Variants in BANK1 observed in about 807,000 individuals in gnomAD.
BANK1 encodes the protein B-cell scaffold protein with ankyrin repeats.
A neutral mutation model predicts 94.5 loss-of-function variants in BANK1; 95 were observed. The observed-to-expected ratio is 1.00, with a 90% CI of 0.85 to 1.19. The LOEUF is 1.19. Ranked by LOEUF, BANK1 falls within the 50% of genes most tolerant of loss-of-function variation. BANK1 has a pLI of 0.00. For missense variants in BANK1, 987 were observed against 932.2 expected, an observed-to-expected ratio of 1.06 and a Z score of -0.77; for synonymous variants, 334 against 308.4, an observed-to-expected ratio of 1.08 and a Z score of -0.87.
chr4:102,063,735 C>T (rs1728499037), intron 13 of BANK1, among the ~76,000 whole-genome samples: 1 of 150,892 alleles, frequency 6.6e-6, no homozygotes, highest in Non-Finnish European at 1.5e-5. Context: ...GGCAGGAGAA[C>T]CCCCCCGGAA....
chr4:101,959,670 T>C (rs77346975), intron 7 of BANK1, among the ~76,000 whole-genome samples: 5 of 152,186 alleles, frequency 3.3e-5, no homozygotes, highest in African/African-American at 9.6e-5. Flanking sequence ...GGAAAGGCAG[T>C]CTTACTGGTG....
chr4:101,851,197 A>G (rs1727461903), intron 2 of BANK1, among the ~76,000 whole-genome samples: 1 of 152,214 alleles, frequency 6.6e-6, no homozygotes, highest in South Asian at 2.1e-4. Flanking sequence ...TGAACACACA[A>G]ATGATAAGAA....
intron 7 of BANK1, chr4:101,972,585 T>G (rs1200484877): frequency 6.6e-6 from 1 of 152,110 alleles, no homozygotes; most frequent in East Asian, 1.9e-4. Context: ...CTATTCATCA[T>G]CAATGAAAAT....
At chr4:101,839,759 G>A (rs889392064) in intron 2 of BANK1, among the ~76,000 whole-genome samples, 4 of 151,368 alleles carry the variant, frequency 2.6e-5, no homozygotes, top group African/African-American at 9.7e-5. Context: ...TATTCAACTG[G>A]CCAAATTCTT....
At chr4:101,913,662 C>T (rs138742667) in intron 6 of BANK1, among the ~76,000 whole-genome samples, 20 of 152,282 alleles carry the variant, frequency 1.3e-4, no homozygotes, top group South Asian at 2.1e-4. Context: ...GAGCATCTTT[C>T]GCCACCTGCC....
chr4:101,841,246 A>T (rs1727033324), intron 2 of BANK1, among the ~76,000 whole-genome samples: 1 of 152,222 alleles, frequency 6.6e-6, no homozygotes, highest in East Asian at 1.9e-4. Flanking sequence ...AGAAAATGTC[A>T]CTTAGAATGA....
intron 15 of BANK1, among the ~76,000 whole-genome samples, chr4:102,073,392 G>A (rs190837658): frequency 6.6e-6 from 1 of 151,920 alleles, no homozygotes; most frequent in East Asian, 1.9e-4. Flanking sequence ...GCACAAACAG[G>A]GCATATATTT....
At chr4:102,015,501 AG>A (rs1726663292) in intron 7 of BANK1, among the ~76,000 whole-genome samples, 1 of 152,210 alleles carries the variant, frequency 6.6e-6, no homozygotes, top group Admixed American at 6.5e-5. Flanking sequence ...CAATGCAAAA[AG>A]ACTTAAGATG....
At chr4:102,061,031 T>G (rs1728402516) in intron 12 of BANK1, among the ~76,000 whole-genome samples, 1 of 152,176 alleles carries the variant, frequency 6.6e-6, no homozygotes, top group Non-Finnish European at 1.5e-5. Flanking sequence ...TATTCCATCT[T>G]TCACTCCAAA....
chr4:101,945,732 A>C (rs1296641372), intron 7 of BANK1, among the ~76,000 whole-genome samples: 2 of 151,944 alleles, frequency 1.3e-5, no homozygotes, highest in African/African-American at 2.4e-5. Context: ...GGCACAGAGT[A>C]GACTCTCAGT....
At chr4:101,826,604 C>A (rs943834540) in intron 1 of BANK1, among the ~76,000 whole-genome samples, 2 of 151,930 alleles carry the variant, frequency 1.3e-5, no homozygotes, top group Non-Finnish European at 2.9e-5. Context: ...CATAAAAATA[C>A]TGAATTATGG....
intron 7 of BANK1, among the ~76,000 whole-genome samples, chr4:101,918,457 AG>A (rs904222866): frequency 6.6e-6 from 1 of 151,954 alleles, no homozygotes; most frequent in Non-Finnish European, 1.5e-5. Flanking sequence ...GTTAAGTCCC[AG>A]TTCTGTCTTA....
At chr4:101,974,542 C>T (rs1725059696) in intron 7 of BANK1, among the ~76,000 whole-genome samples, 1 of 152,102 alleles carries the variant, frequency 6.6e-6, no homozygotes, top group African/African-American at 2.4e-5. Flanking sequence ...TCCACTGTGC[C>T]AAATAATTCC....
chr4:101,809,166 A>G (rs569836076), intron 1 of BANK1, among the ~76,000 whole-genome samples: 1 of 152,356 alleles, frequency 6.6e-6, no homozygotes, highest in South Asian at 2.1e-4. Flanking sequence ...CTGCTTGCTC[A>G]TAAAACAGAA....
intron 7 of BANK1, among the ~76,000 whole-genome samples, chr4:101,997,046 G>A (rs1725902760): frequency 6.6e-6 from 1 of 152,084 alleles, no homozygotes; most frequent in Non-Finnish European, 1.5e-5. Context: ...TGCCCATTCA[G>A]TATGAAAATG....
At chr4:101,942,056 T>C (rs1277980739) in intron 7 of BANK1, among the ~76,000 whole-genome samples, 4 of 151,748 alleles carry the variant, frequency 2.6e-5, no homozygotes, top group Non-Finnish European at 5.9e-5. Flanking sequence ...TATCAGGAGG[T>C]AAGCCCAAGA....
At chr4:101,867,818 G>T (rs879387979) in intron 4 of BANK1, among the ~76,000 whole-genome samples, 1 of 151,308 alleles carries the variant, frequency 6.6e-6, no homozygotes, top group African/African-American at 2.4e-5. Context: ...TAAGAAGAGA[G>T]AAAATAGAAT....
At chr4:101,919,553 G>A (rs1434676641) in intron 7 of BANK1, among the ~76,000 whole-genome samples, 1 of 151,918 alleles carries the variant, frequency 6.6e-6, no homozygotes, top group African/African-American at 2.4e-5. Context: ...CTCTGCTCCT[G>A]CAATAACAGC....
At chr4:102,035,700 T>C (rs1727488276) in intron 10 of BANK1, among the ~76,000 whole-genome samples, 1 of 151,956 alleles carries the variant, frequency 6.6e-6, no homozygotes. Flanking sequence ...TCAAGATATA[T>C]GTTTCTGATT....
Sources: gnomAD v4.1 joint callset for allele counts (sites outside exome capture counted in the v4.1 genomes callset) on GRCh38, gnomAD v4.1.1 for gene constraint, MANE v1.5 for transcripts, NCBI Gene and HGNC (gene_info 2026-07-23, HGNC 2026-07-21) for gene names.